ADARB2: variants seen among roughly 807,000 people sequenced by gnomAD.
The protein encoded by ADARB2 is adenosine deaminase RNA specific B2 (inactive).
In ADARB2, 25 loss-of-function variants were observed where a neutral mutation model predicts 62.2. That is an observed-to-expected ratio of 0.40 (90% CI 0.29 to 0.56). ADARB2 has a LOEUF of 0.56. Among genes scored for constraint, ADARB2 ranks in the 20% least tolerant of loss-of-function variants. The pLI is 0.43. For synonymous variants in ADARB2, 572 were observed against 500.8 expected (o/e 1.14, Z -1.90); for missense variants, 1,071 against 1,077.4 (o/e 0.99, Z 0.08).
At chr10:1,298,189 C>T (rs1399347034) in intron 3 of ADARB2, among the ~76,000 whole-genome samples, 7 of 152,168 alleles carry the variant, frequency 4.6e-5, no homozygotes. Context: ...ATCTGTCATT[C>T]CGGGAGACTA....
chr10:1,652,316 G>A (rs1349907017), intron 1 of ADARB2, among the ~76,000 whole-genome samples: 4 of 152,206 alleles, frequency 2.6e-5, no homozygotes, highest in Non-Finnish European at 4.4e-5. Context: ...CCCTGCTAGG[G>A]ACGTAGCAGT....
In ADARB2 at chr10:1,229,642, C is replaced by T. The variant is rs895455722; in HGVS notation, c.1513+4052G>A. 2.7e-4 allele frequency among the ~76,000 whole-genome samples: 6 copies of T among 22,630 alleles called. No homozygotes were observed. The East Asian group carries it at 2.9e-3, about 11-fold the overall frequency. The allele number at this position is 22,630 out of a possible 152,430, so 14.8% of individuals were successfully genotyped here. A position where few individuals can be genotyped will look rare whatever the true frequency, so the allele number is the denominator to read the frequency against. ...ATTGATAGATCTGATGCATCAGATA[C>T]GTGTCGTGTGCTTGTGTGTGCACAT... On this transcript the variant is annotated intron_variant, in intron 6 of 9. Coordinates refer to ENST00000381312, the MANE Select transcript of ADARB2 (RefSeq NM_018702.4).
chr10:1,708,456 A>G (rs1444291744), intron 1 of ADARB2, among the ~76,000 whole-genome samples: 1 of 152,232 alleles, frequency 6.6e-6, no homozygotes, highest in Non-Finnish European at 1.5e-5. Flanking sequence ...AAAGGGAAGT[A>G]TGAATATGTT....
intron 4 of ADARB2, among the ~76,000 whole-genome samples, chr10:1,263,964 T>G (rs1470060249): frequency 6.6e-6 from 1 of 152,198 alleles, no homozygotes; most frequent in Admixed American, 6.5e-5. Context: ...CAGCACCGGT[T>G]TAGTGAAATC....
chr10:1,327,041 C>A (rs369864987), intron 3 of ADARB2, among the ~76,000 whole-genome samples: 279 of 19,188 alleles, frequency 0.015, 7 homozygotes, highest in South Asian at 0.026. Context: ...TCCCCACTGC[C>A]CAGCGCCTCC....
At chr10:1,485,212 G>A (rs1402914048) in intron 1 of ADARB2, among the ~76,000 whole-genome samples, 3 of 151,998 alleles carry the variant, frequency 2.0e-5, no homozygotes, top group Non-Finnish European at 4.4e-5. Context: ...ATCTGTAGGT[G>A]TACTTGGAGG....
intron 1 of ADARB2, among the ~76,000 whole-genome samples, chr10:1,643,437 C>A (rs1416108980): frequency 6.6e-6 from 1 of 152,188 alleles, no homozygotes; most frequent in East Asian, 1.9e-4. Flanking sequence ...GACTGGAGGG[C>A]TAGAGGCCAC....
intron 1 of ADARB2, among the ~76,000 whole-genome samples, chr10:1,489,642 A>G (rs1831594972): frequency 6.6e-6 from 1 of 152,226 alleles, no homozygotes; most frequent in African/African-American, 2.4e-5. Context: ...TTGAGTAACA[A>G]TTATTAGGCA....
At chr10:1,594,687 T>A (rs1198183586) in intron 1 of ADARB2, among the ~76,000 whole-genome samples, 1 of 152,138 alleles carries the variant, frequency 6.6e-6, no homozygotes, top group Non-Finnish European at 1.5e-5. Flanking sequence ...CTTTTCAGAA[T>A]TAACAGTTAA....
At chr10:1,727,058 G>T (rs1588368531) in intron 1 of ADARB2, among the ~76,000 whole-genome samples, 1 of 152,214 alleles carries the variant, frequency 6.6e-6, no homozygotes, top group South Asian at 2.1e-4. Context: ...AATGTTTGCT[G>T]AATGGACAGA....
At chr10:1,630,232 G>A (rs539286102) in intron 1 of ADARB2, among the ~76,000 whole-genome samples, 4 of 152,316 alleles carry the variant, frequency 2.6e-5, no homozygotes, top group African/African-American at 9.6e-5. Flanking sequence ...CCATGAATGG[G>A]ACAGACTAGA....
At chr10:1,647,501 A>G (rs1834058716) in intron 1 of ADARB2, among the ~76,000 whole-genome samples, 1 of 152,172 alleles carries the variant, frequency 6.6e-6, no homozygotes, top group Non-Finnish European at 1.5e-5. Flanking sequence ...ATACATGTGT[A>G]TATATATGCC....
intron 1 of ADARB2, among the ~76,000 whole-genome samples, chr10:1,465,802 G>GGT (rs545030240): frequency 1.8e-3 from 276 of 152,346 alleles, no homozygotes; most frequent in Non-Finnish European, 3.1e-3. Flanking sequence ...CCCGAAGAGT[G>GGT]GTGTGGGGCC....
intron 1 of ADARB2, among the ~76,000 whole-genome samples, chr10:1,514,092 G>A (rs1413734298): frequency 6.8e-6 from 1 of 148,128 alleles, no homozygotes; most frequent in Non-Finnish European, 1.5e-5. Flanking sequence ...CAGGCAAATC[G>A]CTTGAGCCTG....
chr10:1,181,318 T>A lies in ADARB2; in HGVS notation c.*1875A>T, dbSNP rs1338038882. ...GTGATGTCAAGTTACCAGAACTTAA[T>A]AGAAACTGGTCGTTTGAGCTTAGCT... is the stretch of plus-strand genomic sequence containing the variant. On this transcript the variant is annotated 3_prime_UTR_variant, in exon 10 of 10. Transcript: ENST00000381312. The A allele has an allele frequency of 6.6e-6, 1 of 152,278 alleles. No individual in the cohort carries two copies. Among genetic ancestry groups the A allele is most frequent in the Non-Finnish European group, 1.5e-5 (1 of 68,042 alleles). 9.4% of individuals were successfully genotyped at this position (152,278 alleles called of 1,614,324 possible).
intron 1 of ADARB2, among the ~76,000 whole-genome samples, chr10:1,619,155 T>A (rs537564286): frequency 4.1e-4 from 63 of 152,296 alleles, no homozygotes; most frequent in Middle Eastern, 3.4e-3. Flanking sequence ...ATATCATTAG[T>A]TGCATTAAAT....
intron 1 of ADARB2, among the ~76,000 whole-genome samples, chr10:1,719,406 A>G (rs1289189018): frequency 1.3e-5 from 2 of 152,366 alleles, no homozygotes; most frequent in African/African-American, 4.8e-5. Flanking sequence ...GGATTTCAGA[A>G]AAAACAATGC....
Position 1,490,580 on chromosome 10 carries a change from C to T in ADARB2, c.101-111420G>A, listed in dbSNP as rs183631628. Among the ~76,000 whole-genome samples, 84 of 152,194 alleles carry T rather than the reference C, an allele frequency of 5.5e-4. 1 individual carries two copies. The highest frequency in any genetic ancestry group is 2.6e-4 in the Admixed American group (4 of 15,290). ...AATGATTCTCCTGCCTCAGCTTCCC[C>T]AGTAGCTGGGATTACAGGTGTGTGC... On this transcript the variant is annotated intron_variant, in intron 1 of 9. Transcript: ENST00000381312.
chr10:1,733,899 G>C (rs1196977995), intron 1 of ADARB2, among the ~76,000 whole-genome samples: 6 of 152,142 alleles, frequency 3.9e-5, no homozygotes, highest in Non-Finnish European at 7.3e-5. Context: ...ACGCCTCTGA[G>C]TGAGGCAGGC....
Sources: allele counts gnomAD v4.1 joint callset (sites outside exome capture counted in the v4.1 genomes callset), GRCh38; gene constraint gnomAD v4.1.1; transcripts MANE v1.5; gene names NCBI Gene and HGNC (gene_info 2026-07-23, HGNC 2026-07-21).